Variants in R3HDM1 observed in about 807,000 individuals in gnomAD.
R3HDM1 encodes R3H domain containing 1, also known as R3H domain-containing protein 1.
In R3HDM1, 46 loss-of-function variants were observed where a neutral mutation model predicts 141.1. That is an observed-to-expected ratio of 0.33 (90% CI 0.26 to 0.42). The LOEUF (loss-of-function observed/expected upper bound fraction) is 0.42. R3HDM1 is among the 10% of genes least tolerant of loss of function. R3HDM1 has a pLI of 1.00. For synonymous variants in R3HDM1, 435 were observed against 472.9 expected, an observed-to-expected ratio of 0.92 and a Z score of 1.04; for missense variants, 1,184 against 1,368.3, an observed-to-expected ratio of 0.87 and a Z score of 2.12.
chr2:135,611,787 T>C (rs1317835779), intron 3 of R3HDM1, among the ~76,000 whole-genome samples: 12 of 152,222 alleles, frequency 7.9e-5, no homozygotes, highest in Admixed American at 7.9e-4. Context: ...GCACATATGG[T>C]AGTTCTTTTA....
intron 5 of R3HDM1, chr2:135,620,214 G>C (rs1018801728): frequency 2.4e-6 from 2 of 839,672 alleles, no homozygotes; most frequent in African/African-American, 3.7e-5. Flanking sequence ...TCCCAGCCTG[G>C]ATTTCACTGG....
intron 1 of R3HDM1, among the ~76,000 whole-genome samples, chr2:135,573,069 A>T (rs987688414): frequency 3.3e-5 from 5 of 152,160 alleles, no homozygotes; most frequent in Non-Finnish European, 5.9e-5. Context: ...ATATTCTAAA[A>T]TTGATTGTGA....
intron 17 of R3HDM1, chr2:135,650,233 C>A: frequency 1.0e-6 from 1 of 981,802 alleles, no homozygotes; most frequent in East Asian, 1.1e-4. Flanking sequence ...TTTTTCATAA[C>A]GAAAGAATTT....
chr2:135,708,410 G>A (rs2105433266), intron 21 of R3HDM1, among the ~76,000 whole-genome samples: 1 of 152,216 alleles, frequency 6.6e-6, no homozygotes, highest in Middle Eastern at 3.4e-3. Flanking sequence ...TAATTCAGTA[G>A]TTTTGTATAA....
intron 1 of R3HDM1, among the ~76,000 whole-genome samples, chr2:135,560,502 C>T (rs761781771): frequency 6.6e-6 from 1 of 152,038 alleles, no homozygotes; most frequent in African/African-American, 2.4e-5. Flanking sequence ...TTAGTAGAGA[C>T]GGGGTTTCAC....
chr2:135,630,954 C>T (rs961611505), intron 7 of R3HDM1, among the ~76,000 whole-genome samples: 4 of 151,926 alleles, frequency 2.6e-5, no homozygotes, highest in African/African-American at 9.7e-5. Context: ...CCCTAGTGAT[C>T]TAAAGGAGCA....
intron 21 of R3HDM1, among the ~76,000 whole-genome samples, chr2:135,694,969 G>A (rs1264979442): frequency 1.3e-5 from 2 of 152,144 alleles, no homozygotes; most frequent in African/African-American, 4.8e-5. Context: ...AACAAGTAGA[G>A]GACTTAAAAG....
At chr2:135,623,579 G>T (rs1307530864) in intron 7 of R3HDM1, among the ~76,000 whole-genome samples, 1 of 152,176 alleles carries the variant, frequency 6.6e-6, no homozygotes, top group Non-Finnish European at 1.5e-5. Flanking sequence ...AAATGAAGTG[G>T]TCTCTATAAT....
rs566625763 is a variant in R3HDM1, at chr2:135,599,464, C to CTAAG, written c.-249-3033_-249-3030dup. Among the ~76,000 whole-genome samples, 32 of 152,180 alleles carry CTAAG rather than the reference C, an allele frequency of 2.1e-4. No individual in the cohort carries two copies. The South Asian group carries it at 6.4e-3, about 31-fold the overall frequency. ...TTGTCTTCCTAAATTTTGTAAGTTC[C>CTAAG]TAAGTATCTTTCACTTACTGTACAA... On this transcript the variant is annotated intron_variant, in intron 1 of 26. Transcript: ENST00000683871.
At chr2:135,680,947 G>A (rs76380759) in intron 21 of R3HDM1, among the ~76,000 whole-genome samples, 31,659 of 152,032 alleles carry the variant, frequency 0.21, 3,844 homozygotes, top group East Asian at 0.44. Flanking sequence ...TAGGGGTCTG[G>A]AAAAATTGTA....
At chr2:135,553,770 C>G (rs1700235085) in intron 1 of R3HDM1, among the ~76,000 whole-genome samples, 1 of 152,242 alleles carries the variant, frequency 6.6e-6, no homozygotes, top group Non-Finnish European at 1.5e-5. Context: ...CAGCTCACTG[C>G]AACCTCTGCC....
rs1464775718 is a variant in R3HDM1 at position 135,710,213 on chromosome 2, T to C, written c.2718T>C (p.Ser906=). The stretch of plus-strand genomic sequence containing the variant: ...GACAGAAGTGTGTAGAATTTAGCAG[T>C]GTAGACAATATTGTCCAGGTAAGAT... The part of the protein sequence containing the change: ...QRGQKCVEFS[S]VDNIVQHSPQ... Residue 906 remains serine, a synonymous_variant, in exon 23 of 27, where the codon AGT becomes AGC. Transcript: ENST00000683871. 1 of 1,613,800 alleles carries C rather than the reference T, an allele frequency of 6.2e-7. No homozygotes were observed. Among genetic ancestry groups the C allele is most frequent in the Admixed American group, 1.7e-5 (1 of 59,912 alleles).
chr2:135,582,328 CAAAT>C (rs995613897), intron 1 of R3HDM1, among the ~76,000 whole-genome samples: 2 of 152,058 alleles, frequency 1.3e-5, no homozygotes, highest in African/African-American at 4.8e-5. Flanking sequence ...AAGACTGTCT[CAAAT>C]AAATAAATAA....
intron 24 of R3HDM1, among the ~76,000 whole-genome samples, chr2:135,717,011 A>G (rs1299323713): frequency 6.6e-6 from 1 of 152,152 alleles, no homozygotes. Context: ...CAATATGGTA[A>G]GTGATTTTGA....
At position 135,649,857 on chromosome 2, in the gene R3HDM1, T is replaced by C. The variant is rs1051372678; in HGVS notation, c.1624-45T>C. ...TCCGTTTTATGCAATTCTTCTAACG[T>C]TTTATTCTGACATTAACATTGTTTG... On this transcript the variant is annotated intron_variant, in intron 16 of 26. Transcript: ENST00000683871. The C allele has an allele frequency of 3.6e-6, 4 of 1,117,470 alleles. No homozygotes were observed. In the South Asian group the frequency reaches 7.2e-5, roughly 20 times the overall value. The allele number at this position is 1,117,470 out of a possible 1,614,324, so 69.2% of individuals were successfully genotyped here. A position where few individuals can be genotyped will look rare whatever the true frequency, so the allele number is the denominator to read the frequency against.
At chr2:135,702,487 C>A (rs1383150496) in intron 21 of R3HDM1, among the ~76,000 whole-genome samples, 1 of 151,846 alleles carries the variant, frequency 6.6e-6, no homozygotes, top group Admixed American at 6.6e-5. Context: ...GATGAAACCC[C>A]ATCTCTACTA....
chr2:135,615,240 A>G (rs2060910463), intron 3 of R3HDM1, among the ~76,000 whole-genome samples: 1 of 146,598 alleles, frequency 6.8e-6, no homozygotes. Context: ...TTGAAATAAA[A>G]TGATGGGTTT....
intron 21 of R3HDM1, among the ~76,000 whole-genome samples, chr2:135,706,982 A>G (rs1159619205): frequency 6.6e-6 from 1 of 151,818 alleles, no homozygotes; most frequent in Non-Finnish European, 1.5e-5. Flanking sequence ...CACCTCCCGG[A>G]CGGGGCGGCT....
In R3HDM1 at chr2:135,549,256, T is replaced by TA. The variant is rs1160754300; in HGVS notation, c.-250+17630dup. Among the ~76,000 whole-genome samples, 24 of 152,032 alleles carry TA rather than the reference T, an allele frequency of 1.6e-4. No individual in the cohort carries two copies. The East Asian group carries it at 4.3e-3, about 27-fold the overall frequency. On this transcript the variant is annotated intron_variant, in intron 1 of 26. Transcript: ENST00000683871. ...TTTGGTTTTGTTTTGGTTTGTTTTT[T>TA]AAAAAAATGGGGTCTTGGCCAGGCA... is the stretch of plus-strand genomic sequence containing the variant.
Sources: allele counts gnomAD v4.1 joint callset (sites outside exome capture counted in the v4.1 genomes callset), GRCh38; gene constraint gnomAD v4.1.1; transcripts MANE v1.5; gene names NCBI Gene and HGNC (gene_info 2026-07-23, HGNC 2026-07-21).